The following KCNN2 variants were observed in gnomAD, a reference collection of about 807,000 sequenced individuals.
The protein encoded by KCNN2 is small conductance calcium-activated potassium channel protein 2.
In KCNN2, 24 loss-of-function variants were observed where a neutral mutation model predicts 55.5. The ratio of observed to expected loss-of-function variants is 0.43; its 90% CI spans 0.31 to 0.61. The LOEUF (loss-of-function observed/expected upper bound fraction) is 0.61. Among genes scored for constraint, KCNN2 ranks in the 20% least tolerant of loss-of-function variants. KCNN2 has a pLI of 0.08. For missense variants in KCNN2, 754 were observed against 853.6 expected (o/e 0.88, Z 1.45); for synonymous variants, 431 against 336.1 (o/e 1.28, Z -3.09).
intron 7 of KCNN2, among the ~76,000 whole-genome samples, chr5:114,495,198 T>C (rs1212382264): frequency 1.3e-5 from 2 of 152,190 alleles, no homozygotes; most frequent in African/African-American, 2.4e-5. Context: ...GATTAAGCCA[T>C]AGCCAGGAGG....
intron 2 of KCNN2, among the ~76,000 whole-genome samples, chr5:114,372,364 A>G (rs1757786973): frequency 6.6e-6 from 1 of 152,010 alleles, no homozygotes; most frequent in African/African-American, 2.4e-5. Flanking sequence ...TTTGAACTCT[A>G]TGAACTCTAT....
Position 114,396,778 on chromosome 5 carries a change from C to T in KCNN2, c.1219-7660C>T, listed in dbSNP as rs547550501. Among the ~76,000 whole-genome samples the T allele has an allele frequency of 6.6e-5, 10 of 152,220 alleles. No homozygotes were observed. In the South Asian group the frequency reaches 8.3e-4, roughly 13 times the overall value. ...GCCAGGATGGTCTCGAACTCCTGAC[C>T]TTGTGATCTGCCCGCCTTGGCCTCC... On this transcript the variant is annotated intron_variant, in intron 2 of 7. Transcript: ENST00000673685.
intron 3 of KCNN2, among the ~76,000 whole-genome samples, chr5:114,449,902 A>ACC (rs749161417): frequency 2.5e-5 from 2 of 80,434 alleles, no homozygotes; most frequent in African/African-American, 7.7e-5. Flanking sequence ...ACACACACAC[A>ACC]CACACACGCG....
intron 2 of KCNN2, among the ~76,000 whole-genome samples, chr5:114,306,707 T>TC (rs1561564120): frequency 3.4e-5 from 5 of 147,770 alleles, no homozygotes; most frequent in Admixed American, 6.7e-5. Flanking sequence ...TTTCTTTTTT[T>TC]TTTTTTTTTT....
chr5:114,095,023 A>G (rs1250238880), intron 1 of KCNN2, among the ~76,000 whole-genome samples: 2 of 152,094 alleles, frequency 1.3e-5, no homozygotes, highest in Non-Finnish European at 2.9e-5. Context: ...TTTATATGCA[A>G]TATGCATGAG....
At chr5:114,444,835 G>C (rs1760344093) in intron 3 of KCNN2, among the ~76,000 whole-genome samples, 2 of 152,116 alleles carry the variant, frequency 1.3e-5, no homozygotes, top group South Asian at 4.2e-4. Flanking sequence ...ATTGGACAAA[G>C]CTGAAGAAAG....
chr5:114,113,146 C>T (rs1390598095), intron 1 of KCNN2, among the ~76,000 whole-genome samples: 2 of 151,888 alleles, frequency 1.3e-5, no homozygotes, highest in African/African-American at 4.8e-5. Context: ...TAAATAAAAC[C>T]ATTTTATCTC....
chr5:114,171,464 T>C (rs1753030967), intron 1 of KCNN2, among the ~76,000 whole-genome samples: 1 of 151,928 alleles, frequency 6.6e-6, no homozygotes, highest in Non-Finnish European at 1.5e-5. Context: ...TTACTAATTA[T>C]TCGATTAATA....
chr5:114,073,705 T>G (rs1431247541), intron 1 of KCNN2, among the ~76,000 whole-genome samples: 1 of 152,226 alleles, frequency 6.6e-6, no homozygotes, highest in African/African-American at 2.4e-5. Flanking sequence ...GAGCTGGTCC[T>G]AAGCTCAGTT....
intron 3 of KCNN2, among the ~76,000 whole-genome samples, chr5:114,449,740 ATTTT>A (rs894404113): frequency 6.7e-6 from 1 of 150,264 alleles, no homozygotes; most frequent in African/African-American, 2.4e-5. Flanking sequence ...ATCCACAGGG[ATTTT>A]TTTTTTCCTT....
At chr5:114,468,289 T>A (rs1464485594) in intron 4 of KCNN2, among the ~76,000 whole-genome samples, 1 of 152,108 alleles carries the variant, frequency 6.6e-6, no homozygotes, top group Admixed American at 6.6e-5. Context: ...CAGAATTGAT[T>A]GTTTCACATG....
intron 2 of KCNN2, among the ~76,000 whole-genome samples, chr5:114,314,271 C>G (rs1163385072): frequency 6.6e-6 from 1 of 152,108 alleles, no homozygotes; most frequent in Non-Finnish European, 1.5e-5. Context: ...GCTATTAACA[C>G]CTTGCACTGG....
chr5:114,109,353 C>G (rs1381645660), intron 1 of KCNN2, among the ~76,000 whole-genome samples: 3 of 152,028 alleles, frequency 2.0e-5, no homozygotes, highest in East Asian at 1.9e-4. Context: ...GTAACATACT[C>G]AAGGAAGTAA....
At chr5:114,122,007 A>C (rs1751838906) in intron 1 of KCNN2, among the ~76,000 whole-genome samples, 1 of 152,246 alleles carries the variant, frequency 6.6e-6, no homozygotes, top group Non-Finnish European at 1.5e-5. Flanking sequence ...CAATCAAAGA[A>C]CAAATTATCA....
chr5:114,412,787 C>G (rs1272093255), intron 3 of KCNN2, among the ~76,000 whole-genome samples: 1 of 152,124 alleles, frequency 6.6e-6, no homozygotes, highest in Non-Finnish European at 1.5e-5. Flanking sequence ...TACTTGGGAT[C>G]AAGTTTCTTT....
At chr5:114,455,021 A>AT (rs796698523) in intron 3 of KCNN2, among the ~76,000 whole-genome samples, 5 of 151,032 alleles carry the variant, frequency 3.3e-5, no homozygotes, top group East Asian at 2.0e-4. Flanking sequence ...CTCTCTTGGG[A>AT]TTTTTTTTAA....
intron 2 of KCNN2, among the ~76,000 whole-genome samples, chr5:114,349,065 G>T (rs1167234655): frequency 7.2e-5 from 11 of 151,976 alleles, no homozygotes; most frequent in Admixed American, 5.2e-4. Context: ...ACTCTAATTT[G>T]CTGCTCTCCT....
intron 2 of KCNN2, among the ~76,000 whole-genome samples, chr5:114,227,813 G>A (rs1754268397): frequency 6.6e-6 from 1 of 152,092 alleles, no homozygotes; most frequent in Non-Finnish European, 1.5e-5. Context: ...CAAGGTTGCA[G>A]TGAAGAGTAA....
At chr5:114,248,413 G>C (rs1754789591) in intron 2 of KCNN2, among the ~76,000 whole-genome samples, 1 of 152,150 alleles carries the variant, frequency 6.6e-6, no homozygotes, top group Admixed American at 6.6e-5. Flanking sequence ...ACATTGAAAA[G>C]AACATGTAGG....
Sources: allele counts gnomAD v4.1 joint callset (sites outside exome capture counted in the v4.1 genomes callset), GRCh38; gene constraint gnomAD v4.1.1; transcripts MANE v1.5; gene names NCBI Gene and HGNC (gene_info 2026-07-23, HGNC 2026-07-21).